GNA14: variants seen among roughly 807,000 people sequenced by gnomAD.
GNA14 encodes G protein subunit alpha 14, also known as guanine nucleotide-binding protein subunit alpha-14.
GNA14 carries 50 observed loss-of-function variants against 42.0 expected under a neutral mutation model. The ratio of observed to expected loss-of-function variants is 1.19; its 90% CI spans 0.95 to 1.51. GNA14 has a LOEUF of 1.51. GNA14 is among the 40% of genes most tolerant of loss of function. GNA14 has a pLI of 0.00. For synonymous variants in GNA14, 173 were observed against 163.1 expected (o/e 1.06, Z -0.46); for missense variants, 473 against 446.2 (o/e 1.06, Z -0.54).
At chr9:77,636,952 T>C (rs1824192620) in intron 1 of GNA14, among the ~76,000 whole-genome samples, 1 of 152,214 alleles carries the variant, frequency 6.6e-6, no homozygotes, top group African/African-American at 2.4e-5. Context: ...CCTAAGTCCA[T>C]TAATAGAAGC....
At chr9:77,452,724 C>CA (rs1217671198) in intron 2 of GNA14, among the ~76,000 whole-genome samples, 1 of 84,294 alleles carries the variant, frequency 1.2e-5, no homozygotes, top group East Asian at 3.4e-4. Context: ...TGTGTCTCTC[C>CA]AAAATCCATA....
intron 1 of GNA14, among the ~76,000 whole-genome samples, chr9:77,541,810 T>C (rs1837664577): frequency 6.6e-6 from 1 of 152,172 alleles, no homozygotes; most frequent in African/African-American, 2.4e-5. Flanking sequence ...TTCTTCTACT[T>C]GAGCAAGTCT....
At chr9:77,564,306 A>AAC (rs1054625743) in intron 1 of GNA14, among the ~76,000 whole-genome samples, 1 of 147,414 alleles carries the variant, frequency 6.8e-6, no homozygotes, top group East Asian at 2.0e-4. Flanking sequence ...TAAAAAAAAA[A>AAC]AAAAAAAACT....
At chr9:77,603,795 C>T (rs888844126) in intron 1 of GNA14, among the ~76,000 whole-genome samples, 1 of 151,778 alleles carries the variant, frequency 6.6e-6, no homozygotes, top group Non-Finnish European at 1.5e-5. Flanking sequence ...GAAACCCCGT[C>T]TCCACTAAAA....
At chr9:77,618,727 G>A (rs1221656980) in intron 1 of GNA14, among the ~76,000 whole-genome samples, 4 of 131,682 alleles carry the variant, frequency 3.0e-5, no homozygotes, top group Admixed American at 7.9e-5. Context: ...TCCGCCTCCC[G>A]GGTTCACGCC....
At chr9:77,510,411 C>T (rs958163041) in intron 2 of GNA14, among the ~76,000 whole-genome samples, 1 of 152,210 alleles carries the variant, frequency 6.6e-6, no homozygotes, top group Non-Finnish European at 1.5e-5. Flanking sequence ...TCTCGGCTCA[C>T]TGCAACCTCC....
Position 77,488,228 on chromosome 9 carries a change from A to G in GNA14, c.309+40841T>C, listed in dbSNP as rs150017518. Among the ~76,000 whole-genome samples, 193 of 152,282 alleles carry G rather than the reference A, an allele frequency of 1.3e-3. 2 individuals are homozygous for G. Among genetic ancestry groups the G allele is most frequent in the South Asian group, 0.012 (58 of 4,826 alleles). On this transcript the variant is annotated intron_variant, in intron 2 of 6. Transcript: ENST00000341700. The stretch of plus-strand genomic sequence containing the variant: ...GAGGTGGTAAGATAACTGAACTTCC[A>G]TATCCTTGATTCTGCTGTCTCCAAT...
intron 1 of GNA14, among the ~76,000 whole-genome samples, chr9:77,621,275 A>C (rs527535930): frequency 6.6e-6 from 1 of 152,334 alleles, no homozygotes; most frequent in African/African-American, 2.4e-5. Flanking sequence ...CAAAATGAAC[A>C]CTTTAAACAA....
At chr9:77,512,012 G>GCC (rs1036020276) in intron 2 of GNA14, among the ~76,000 whole-genome samples, 1 of 152,106 alleles carries the variant, frequency 6.6e-6, no homozygotes, top group African/African-American at 2.4e-5. Flanking sequence ...CTACCTTGGA[G>GCC]CCTCCCTCAA....
chr9:77,485,288 A>G (rs975714953), intron 2 of GNA14, among the ~76,000 whole-genome samples: 4 of 152,344 alleles, frequency 2.6e-5, no homozygotes, highest in Middle Eastern at 6.8e-3. Context: ...TTGCTCATCC[A>G]TAAGAAGGAA....
chr9:77,526,366 T>G (rs796854819), intron 2 of GNA14: 5 of 152,230 alleles, frequency 3.3e-5, no homozygotes, highest in African/African-American at 1.2e-4. Flanking sequence ...TTGAATTGTG[T>G]TCCCCCAAAG....
intron 1 of GNA14, among the ~76,000 whole-genome samples, chr9:77,584,269 C>G (rs1161715601): frequency 6.6e-6 from 1 of 152,160 alleles, no homozygotes; most frequent in Non-Finnish European, 1.5e-5. Context: ...GGCTTATAGT[C>G]ATCTTTAATG....
chr9:77,437,973 G>GA (rs933331371), intron 2 of GNA14, among the ~76,000 whole-genome samples: 5 of 152,142 alleles, frequency 3.3e-5, no homozygotes, highest in African/African-American at 1.2e-4. Context: ...TTAGTAGAGA[G>GA]AAAAAGTGGA....
intron 2 of GNA14, among the ~76,000 whole-genome samples, chr9:77,480,521 T>C (rs542915576): frequency 5.9e-5 from 9 of 152,284 alleles, no homozygotes; most frequent in African/African-American, 2.2e-4. Context: ...TTTTTGGTTG[T>C]GTCTCTGCCA....
At chr9:77,539,338 G>A (rs1220046702) in intron 1 of GNA14, among the ~76,000 whole-genome samples, 4 of 152,156 alleles carry the variant, frequency 2.6e-5, no homozygotes, top group African/African-American at 4.8e-5. Context: ...GACCATTCTT[G>A]TATCCCTGGT....
intron 2 of GNA14, among the ~76,000 whole-genome samples, chr9:77,450,331 A>G (rs938664067): frequency 6.6e-6 from 1 of 152,254 alleles, no homozygotes; most frequent in East Asian, 1.9e-4. Context: ...TTACCCATGC[A>G]CAGGAGGCTC....
At chr9:77,527,938 C>T (rs1205235272) in intron 2 of GNA14, among the ~76,000 whole-genome samples, 2 of 152,090 alleles carry the variant, frequency 1.3e-5, no homozygotes, top group Admixed American at 6.5e-5. Context: ...CCCAGCCCAC[C>T]CCACGCAAGT....
chr9:77,620,766 T>C (rs994015134), intron 1 of GNA14, among the ~76,000 whole-genome samples: 1 of 148,108 alleles, frequency 6.8e-6, no homozygotes, highest in African/African-American at 2.5e-5. Flanking sequence ...AGAATTTGTT[T>C]GAACGCGCGA....
intron 2 of GNA14, among the ~76,000 whole-genome samples, chr9:77,497,858 G>A (rs1251416247): frequency 6.6e-6 from 1 of 151,332 alleles, no homozygotes; most frequent in Non-Finnish European, 1.5e-5. Context: ...TTCTCATTTG[G>A]CAACACGAAT....
Sources: gnomAD v4.1 joint callset for allele counts (sites outside exome capture counted in the v4.1 genomes callset) on GRCh38, gnomAD v4.1.1 for gene constraint, MANE v1.5 for transcripts, NCBI Gene and HGNC (gene_info 2026-07-23, HGNC 2026-07-21) for gene names.